The following DCUN1D4 variants were observed in gnomAD, a reference collection of about 807,000 sequenced individuals.
The protein encoded by DCUN1D4 is defective in cullin neddylation 1 domain containing 4.
Under a neutral mutation model 47.9 loss-of-function variants are expected in DCUN1D4, and 22 were observed. The observed-to-expected ratio is 0.46, with a 90% CI of 0.33 to 0.66. The LOEUF (loss-of-function observed/expected upper bound fraction) is 0.66, where lower values mean the gene tolerates loss of function less well. DCUN1D4 is among the 30% of genes least tolerant of loss of function. DCUN1D4 has a pLI of 0.02. For synonymous variants in DCUN1D4, 121 were observed against 112.2 expected, an observed-to-expected ratio of 1.08 and a Z score of -0.50; for missense variants, 301 against 340.8, an observed-to-expected ratio of 0.88 and a Z score of 0.92.
chr4:51,869,665 G>A (rs528654435), intron 3 of DCUN1D4, among the ~76,000 whole-genome samples: 180 of 152,196 alleles, frequency 1.2e-3, no homozygotes, highest in African/African-American at 4.2e-3. Flanking sequence ...AATGTGCTAC[G>A]TAATTAAATT....
intron 3 of DCUN1D4, among the ~76,000 whole-genome samples, chr4:51,864,774 C>T (rs1341068582): frequency 1.3e-5 from 2 of 152,180 alleles, no homozygotes; most frequent in Admixed American, 6.5e-5. Context: ...GATTAGCTTT[C>T]AGCATGTAAA....
At chr4:51,834,080 CTCTCTCTTT>C in the DCUN1D4 span, among the ~76,000 whole-genome samples, 1 of 69,074 alleles carries the variant, frequency 1.4e-5, no homozygotes. Flanking sequence ...CTCTCTCTCT[CTCTCTCTTT>C]TCTTTTCTTC....
In DCUN1D4 at chr4:51,901,415, A is replaced by ACC. The variant is rs574157746; in HGVS notation, c.615+2039_615+2040dup. Among the ~76,000 whole-genome samples the ACC allele has an allele frequency of 8.5e-5, 13 of 152,234 alleles. No individual in the cohort carries two copies. The South Asian group carries it at 2.7e-3, about 32-fold the overall frequency. On this transcript the variant is annotated intron_variant, in intron 8 of 10. Transcript: ENST00000334635. The stretch of plus-strand genomic sequence containing the variant: ...AAGTCTAGTATGTGGGTTACTCCAG[A>ACC]CCCTCACAACTAAGTCCCAAGCTTC...
intron 8 of DCUN1D4, among the ~76,000 whole-genome samples, chr4:51,899,777 T>G (rs778802814): frequency 6.6e-6 from 1 of 152,230 alleles, no homozygotes; most frequent in Non-Finnish European, 1.5e-5. Context: ...GCTATTATTG[T>G]ATTTGGAAAT....
intron 1 of DCUN1D4, chr4:51,848,439 A>G (rs1275809547): frequency 8.1e-6 from 8 of 985,778 alleles, no homozygotes; most frequent in East Asian, 1.8e-4. Flanking sequence ...TTCTGGTCCT[A>G]AGGATTTATT....
chr4:51,882,315 C>T (rs1349298298), intron 5 of DCUN1D4, among the ~76,000 whole-genome samples: 1 of 152,168 alleles, frequency 6.6e-6, no homozygotes, highest in Non-Finnish European at 1.5e-5. Flanking sequence ...ATGTGGCAAA[C>T]AGGCAAATAA....
intron 4 of DCUN1D4, chr4:51,877,518 A>G: frequency 6.6e-6 from 2 of 300,984 alleles, no homozygotes; most frequent in Non-Finnish European, 6.2e-6. Flanking sequence ...TTCAGTTCTT[A>G]CTGATTATTT....
At chr4:51,884,366 C>T (rs571582483) in intron 5 of DCUN1D4, 1 of 152,286 alleles carries the variant, frequency 6.6e-6, no homozygotes, top group South Asian at 2.1e-4. Flanking sequence ...TACTCCTGTA[C>T]TTTGTCTCCC....
At chr4:51,902,379 G>C (rs1233680115) in intron 8 of DCUN1D4, among the ~76,000 whole-genome samples, 1 of 152,194 alleles carries the variant, frequency 6.6e-6, no homozygotes, top group Non-Finnish European at 1.5e-5. Flanking sequence ...CTCTCCACCT[G>C]TATGTCTTCT....
intron 1 of DCUN1D4, among the ~76,000 whole-genome samples, chr4:51,857,562 G>T (rs1351649139): frequency 6.6e-6 from 1 of 152,216 alleles, no homozygotes; most frequent in South Asian, 2.1e-4. Flanking sequence ...AGCACAGCTT[G>T]ATGTGGGGAT....
intron 8 of DCUN1D4, chr4:51,908,802 T>A (rs1733287335): frequency 2.3e-6 from 1 of 432,190 alleles, no homozygotes; most frequent in Admixed American, 2.4e-5. Context: ...TTTTAGTGTT[T>A]CCAGTCATGG....
chr4:51,866,516 T>C (rs1454711541), intron 3 of DCUN1D4, among the ~76,000 whole-genome samples: 1 of 152,224 alleles, frequency 6.6e-6, no homozygotes, highest in Non-Finnish European at 1.5e-5. Flanking sequence ...TCTGCTTTCT[T>C]TTTTAATGAC....
chr4:51,870,563 A>G (rs545586883), intron 3 of DCUN1D4, among the ~76,000 whole-genome samples: 8 of 152,212 alleles, frequency 5.3e-5, no homozygotes, highest in South Asian at 2.1e-4. Context: ...TATTCAACAA[A>G]TATTTACTGA....
At chr4:51,863,731 A>G (rs756035331) in intron 3 of DCUN1D4, 22 bp downstream of exon 3, 1 of 1,606,156 alleles carries the variant, frequency 6.2e-7, no homozygotes, top group East Asian at 2.2e-5. Flanking sequence ...TGCTAACACT[A>G]CTTAATTTTA....
chr4:51,848,959 T>G (rs1463726782), intron 1 of DCUN1D4, among the ~76,000 whole-genome samples: 25 of 152,198 alleles, frequency 1.6e-4, no homozygotes. Flanking sequence ...TTTTTTTTCC[T>G]TGTGAAATTT....
chr4:51,845,057 T>C, intron 1 of DCUN1D4: 2 of 985,470 alleles, frequency 2.0e-6, no homozygotes, highest in Non-Finnish European at 2.4e-6. Flanking sequence ...TCCCCCTGCA[T>C]TTTGTGGCCT....
rs1721874613 is a variant in DCUN1D4, at chr4:51,843,235, G to A, written c.-8G>A. ...CTGGGCGGCGAGCCGGGTGTGAGCT[G>A]CCTGAAAATGCACTCGGATGCCGCC... On this transcript the variant is annotated 5_prime_UTR_variant, in exon 1 of 11. Transcript: ENST00000334635. 6.5e-7 allele frequency: 1 copy of A among 1,542,008 alleles called. No homozygotes were observed. Among genetic ancestry groups the A allele is most frequent in the Non-Finnish European group, 8.7e-7 (1 of 1,143,896 alleles).
intron 6 of DCUN1D4, among the ~76,000 whole-genome samples, chr4:51,888,481 C>T (rs753813952): frequency 6.6e-5 from 10 of 152,192 alleles, no homozygotes; most frequent in Non-Finnish European, 1.5e-4. Context: ...TGGCTCACGC[C>T]TGTAATCCCA....
rs1734142718 is a variant in DCUN1D4 at position 51,914,595 on chromosome 4, T to A, written c.*1011T>A. On this transcript the variant is annotated 3_prime_UTR_variant, in exon 11 of 11. Coordinates refer to ENST00000334635, the MANE Select transcript of DCUN1D4 (RefSeq NM_001040402.3). The stretch of plus-strand genomic sequence containing the variant: ...ATACTATAAGTGAGAGCTGTTTTGT[T>A]TTCCTTGTTTGTTTGTTTCATGCTA... 1 of 152,562 alleles carries A rather than the reference T, an allele frequency of 6.6e-6. No individual in the cohort carries two copies. Among genetic ancestry groups the A allele is most frequent in the African/African-American group, 2.4e-5 (1 of 41,430 alleles). 9.5% of individuals were successfully genotyped at this position (152,562 alleles called of 1,614,324 possible). A position where few individuals can be genotyped will look rare whatever the true frequency, so the allele number is the denominator to read the frequency against.
Sources: gnomAD v4.1 joint callset for allele counts (sites outside exome capture counted in the v4.1 genomes callset) on GRCh38, gnomAD v4.1.1 for gene constraint, MANE v1.5 for transcripts, NCBI Gene and HGNC (gene_info 2026-07-23, HGNC 2026-07-21) for gene names.